Variants in ENAH observed in about 807,000 individuals in gnomAD.
ENAH encodes the protein protein enabled homolog.
ENAH carries 23 observed loss-of-function variants against 78.7 expected under a neutral mutation model. The ratio of observed to expected loss-of-function variants is 0.29; its 90% confidence interval spans 0.21 to 0.41. The LOEUF (loss-of-function observed/expected upper bound fraction) is 0.41. ENAH is among the 10% of genes least tolerant of loss of function. ENAH has a pLI of 1.00. For missense variants in ENAH, 544 were observed against 691.0 expected, an observed-to-expected ratio of 0.79 and a Z score of 2.39; for synonymous variants, 226 against 241.0, an observed-to-expected ratio of 0.94 and a Z score of 0.58.
At chr1:225,577,273 T>C (rs959808332) in intron 1 of ENAH, among the ~76,000 whole-genome samples, 2 of 152,164 alleles carry the variant, frequency 1.3e-5, no homozygotes, top group African/African-American at 2.4e-5. Flanking sequence ...CTTATCTCCT[T>C]TGCCATTCCA....
intron 3 of ENAH, chr1:225,531,074 GGAGA>G (rs753699843): frequency 5.0e-6 from 2 of 397,928 alleles, no homozygotes; most frequent in African/African-American, 4.1e-5. Flanking sequence ...ATGAAAAACA[GGAGA>G]GAGAGAGAGC....
At chr1:225,592,021 C>T (rs1241914870) in intron 1 of ENAH, among the ~76,000 whole-genome samples, 5 of 152,134 alleles carry the variant, frequency 3.3e-5, no homozygotes, top group African/African-American at 1.2e-4. Flanking sequence ...ATAATAATAA[C>T]AGTAATACCT....
chr1:225,574,963 G>A (rs1436360112), intron 1 of ENAH, among the ~76,000 whole-genome samples: 2 of 150,652 alleles, frequency 1.3e-5, no homozygotes, highest in East Asian at 2.0e-4. Flanking sequence ...ATTCAGATAC[G>A]AATAATAAAC....
intron 1 of ENAH, among the ~76,000 whole-genome samples, chr1:225,587,165 T>C (rs945524228): frequency 4.6e-5 from 7 of 152,132 alleles, no homozygotes; most frequent in African/African-American, 1.4e-4. Context: ...CTATTCAACA[T>C]TGTATTGGTG....
At chr1:225,594,599 C>T (rs1294253468) in intron 1 of ENAH, among the ~76,000 whole-genome samples, 2 of 152,192 alleles carry the variant, frequency 1.3e-5, no homozygotes, top group Non-Finnish European at 2.9e-5. Flanking sequence ...AGACTATACA[C>T]TTACCAGTGT....
At chr1:225,612,578 T>C (rs2096996775) in intron 1 of ENAH, among the ~76,000 whole-genome samples, 1 of 152,206 alleles carries the variant, frequency 6.6e-6, no homozygotes, top group Admixed American at 6.5e-5. Context: ...GTTACCATGG[T>C]AAATTTTATG....
intron 11 of ENAH, 26 bp from the exon 12 acceptor site, chr1:225,501,096 G>A (rs527538952): frequency 1.3e-6 from 2 of 1,572,650 alleles, no homozygotes; most frequent in African/African-American, 1.4e-5. Context: ...TTCCAGGACA[G>A]GTAAACAACA....
At chr1:225,624,762 T>C (rs1657637541) in intron 1 of ENAH, among the ~76,000 whole-genome samples, 1 of 152,190 alleles carries the variant, frequency 6.6e-6, no homozygotes, top group East Asian at 1.9e-4. Flanking sequence ...ATCTCAACAC[T>C]GGACTCTATC....
chr1:225,497,555 G>C lies in ENAH; in HGVS notation c.*220C>G, dbSNP rs570698373. On this transcript the variant is annotated 3_prime_UTR_variant, in exon 14 of 14. Coordinates refer to ENST00000366843, the MANE Select transcript of ENAH (RefSeq NM_018212.6). Reference sequence around the variant, plus strand: ...TTAAATGATTCTCTTCCATTCTGTTGTAAAGGCCAGAAAAAAGCAGCAAAC... The same window carrying C: ...TTAAATGATTCTCTTCCATTCTGTTCTAAAGGCCAGAAAAAAGCAGCAAAC... 9.9e-6 allele frequency: 4 copies of C among 403,904 alleles called. No homozygotes were observed. In the South Asian group the frequency reaches 2.4e-4, roughly 25 times the overall value. 25.0% of individuals were successfully genotyped at this position (403,904 alleles called of 1,614,324 possible). A position where few individuals can be genotyped will look rare whatever the true frequency, so the allele number is the denominator to read the frequency against.
chr1:225,521,898 C>A (rs1267495942), intron 4 of ENAH, among the ~76,000 whole-genome samples: 4 of 151,982 alleles, frequency 2.6e-5, no homozygotes, highest in Non-Finnish European at 4.4e-5. Context: ...CAGGTTCACA[C>A]CATTCTCTTG....
At chr1:225,534,417 T>C (rs1257607983) in intron 3 of ENAH, among the ~76,000 whole-genome samples, 1 of 152,148 alleles carries the variant, frequency 6.6e-6, no homozygotes, top group Non-Finnish European at 1.5e-5. Flanking sequence ...TCTTTCCTTT[T>C]TTCTTTTTTT....
chr1:225,564,347 T>TGGCGCAATCTCGGCTC (rs1204950131), intron 2 of ENAH, among the ~76,000 whole-genome samples: 3 of 152,004 alleles, frequency 2.0e-5, no homozygotes, highest in Non-Finnish European at 4.4e-5. Context: ...TGGAGTGCAA[T>TGGCGCAATCTCGGCTC]GGCGCAATCT....
At chr1:225,579,086 A>G (rs780897646) in intron 1 of ENAH, among the ~76,000 whole-genome samples, 1 of 152,228 alleles carries the variant, frequency 6.6e-6, no homozygotes, top group African/African-American at 2.4e-5. Context: ...CCCATTTTAC[A>G]GATAGGAAAT....
chr1:225,503,557 T>A (rs2096298007), intron 11 of ENAH, among the ~76,000 whole-genome samples: 1 of 149,894 alleles, frequency 6.7e-6, no homozygotes, highest in South Asian at 2.1e-4. Context: ...ATTATAGGCA[T>A]GAGCCATGGC....
chr1:225,575,188 C>T (rs2096782769), intron 1 of ENAH, among the ~76,000 whole-genome samples: 1 of 152,152 alleles, frequency 6.6e-6, no homozygotes, highest in African/African-American at 2.4e-5. Flanking sequence ...CAAAAGACTC[C>T]TACAATGCAT....
At chr1:225,527,950 C>T (rs2096518314) in intron 4 of ENAH, among the ~76,000 whole-genome samples, 1 of 152,124 alleles carries the variant, frequency 6.6e-6, no homozygotes, top group African/African-American at 2.4e-5. Flanking sequence ...GTAATGTCTT[C>T]CCTAGCACCT....
At chr1:225,553,274 T>C (rs2096650532) in intron 3 of ENAH, among the ~76,000 whole-genome samples, 1 of 152,110 alleles carries the variant, frequency 6.6e-6, no homozygotes, top group South Asian at 2.1e-4. Flanking sequence ...AATCAAACCA[T>C]ATGACTACTC....
At chr1:225,594,833 ATACTT>A (rs1282023218) in intron 1 of ENAH, among the ~76,000 whole-genome samples, 4 of 152,250 alleles carry the variant, frequency 2.6e-5, no homozygotes, top group African/African-American at 7.2e-5. Flanking sequence ...TAAGTACAAA[ATACTT>A]TATAGACAGC....
In ENAH at chr1:225,489,301, G is replaced by A. The variant is rs1334069572; in HGVS notation, c.*8474C>T. 3.3e-5 allele frequency: 5 copies of A among 152,164 alleles called. No homozygotes were observed. Among genetic ancestry groups the A allele is most frequent in the Admixed American group, 1.3e-4 (2 of 15,270 alleles). The allele number at this position is 152,164 out of a possible 1,614,324, so 9.4% of individuals were successfully genotyped here. ...TCCAGGTTGAAGCACAATGGAGAAT[G>A]TACTGAAGCCACCACAGAGATGCTG... On this transcript the variant is annotated 3_prime_UTR_variant, in exon 14 of 14. Transcript: ENST00000366843.
Sources: gnomAD v4.1 joint callset for allele counts (sites outside exome capture counted in the v4.1 genomes callset) on GRCh38, gnomAD v4.1.1 for gene constraint, MANE v1.5 for transcripts, NCBI Gene and HGNC (gene_info 2026-07-23, HGNC 2026-07-21) for gene names.